ZDHHC11: variants seen among roughly 807,000 people sequenced by gnomAD.
ZDHHC11 encodes the protein palmitoyltransferase ZDHHC11.
Under a neutral mutation model 51.3 loss-of-function variants are expected in ZDHHC11, and 44 were observed. The observed-to-expected ratio is 0.86, with a 90% confidence interval of 0.67 to 1.10. ZDHHC11 has a LOEUF of 1.10. Among genes scored for constraint, ZDHHC11 ranks in the 50% least tolerant of loss-of-function variants. The pLI is 0.00. For missense variants in ZDHHC11, 400 were observed against 537.7 expected, an observed-to-expected ratio of 0.74 and a Z score of 2.53; for synonymous variants, 163 against 222.0, an observed-to-expected ratio of 0.73 and a Z score of 2.36.
At chr5:841,921 T>G (rs557371796) in intron 4 of ZDHHC11, 4 of 989,176 alleles carry the variant, frequency 4.0e-6, no homozygotes, top group Middle Eastern at 1.0e-3. Context: ...GGGGCCATCC[T>G]AGAAGGCAAA....
chr5:855,724 C>G (rs1309194804), upstream of ZDHHC11, among the ~76,000 whole-genome samples: 1 of 148,050 alleles, frequency 6.8e-6, no homozygotes. Context: ...CCACAGAGGA[C>G]AGTGAGCAGC....
intron 2 of ZDHHC11, among the ~76,000 whole-genome samples, chr5:847,966 G>T (rs1288464737): frequency 1.3e-5 from 2 of 151,840 alleles, no homozygotes; most frequent in African/African-American, 4.9e-5. Flanking sequence ...CCGGGGGCTT[G>T]GATCCCACCT....
chr5:841,974 G>C lies in ZDHHC11; in HGVS notation c.629-1324C>G, dbSNP rs370649773. 3 of 989,636 alleles carry C rather than the reference G, an allele frequency of 3.0e-6. No individual in the cohort carries two copies. The African/African-American group carries it at 5.2e-5, about 17-fold the overall frequency. 61.3% of individuals were successfully genotyped at this position (989,636 alleles called of 1,614,324 possible). On this transcript the variant is annotated intron_variant, in intron 4 of 12. Transcript: ENST00000283441. Reference sequence around the variant, plus strand: ...CAGGACCGCAGCTCCATGTGCCTGGGCCGGGCTGGACCCCATGCTGCCCCC... The same window carrying C: ...CAGGACCGCAGCTCCATGTGCCTGGCCCGGGCTGGACCCCATGCTGCCCCC...
Position 818,701 on chromosome 5 carries a change from T to A in ZDHHC11, c.1146+824A>T, listed in dbSNP as rs182934482. On this transcript the variant is annotated intron_variant, in intron 10 of 12. Coordinates refer to ENST00000283441, the MANE Select transcript of ZDHHC11 (RefSeq NM_024786.3). ...GAGTGAGACCCCATCTCTTAAGAAA[T>A]AAGAAATAAATTGGCTGGGTGTGGT... is the stretch of plus-strand genomic sequence containing the variant. Among the ~76,000 whole-genome samples the A allele has an allele frequency of 9.2e-4, 139 of 151,328 alleles. 1 individual carries two copies. In the East Asian group the frequency reaches 0.015, roughly 16 times the overall value.
At chr5:859,691 C>T (rs893190159), upstream of ZDHHC11, among the ~76,000 whole-genome samples, 2 of 152,172 alleles carry the variant, frequency 1.3e-5, no homozygotes, top group Admixed American at 6.5e-5. Flanking sequence ...CTCAGGAATT[C>T]GGTCACTGGC....
At chr5:818,321 C>A (rs1256610883) in intron 10 of ZDHHC11, among the ~76,000 whole-genome samples, 2 of 151,652 alleles carry the variant, frequency 1.3e-5, no homozygotes, top group Non-Finnish European at 3.0e-5. Flanking sequence ...GCGGGGCAGG[C>A]TGGGGGCCCA....
At chr5:849,565 C>G (rs1161264143) in intron 1 of ZDHHC11, 3 of 152,280 alleles carry the variant, frequency 2.0e-5, no homozygotes, top group Non-Finnish European at 2.9e-5. Context: ...CCGAGAATAG[C>G]TCAGGGAAAC....
intron 12 of ZDHHC11, among the ~76,000 whole-genome samples, chr5:796,871 C>A (rs1182054217): frequency 1.3e-5 from 2 of 152,208 alleles, no homozygotes; most frequent in Non-Finnish European, 2.9e-5. Flanking sequence ...GAAATACATC[C>A]TTTTGAAAGA....
chr5:818,875 C>T (rs1465662802), intron 10 of ZDHHC11, among the ~76,000 whole-genome samples: 1 of 151,362 alleles, frequency 6.6e-6, no homozygotes, highest in East Asian at 1.9e-4. Flanking sequence ...AAATAAATAA[C>T]AACCCAGTAG....
intron 11 of ZDHHC11, among the ~76,000 whole-genome samples, chr5:807,834 T>G (rs1739483536): frequency 6.6e-6 from 1 of 151,402 alleles, no homozygotes; most frequent in Non-Finnish European, 1.5e-5. Flanking sequence ...CAGGTTACGG[T>G]GCCAATTAGT....
Position 850,563 on chromosome 5 carries a change from C to T in ZDHHC11, c.40G>A (p.Glu14Lys), listed in dbSNP as rs753687183. Residue 14 changes from glutamate to lysine, a missense_variant, in exon 1 of 13, where the codon GAA becomes AAA. By Grantham distance (56) the Glu-to-Lys change is moderately conservative. This residue lies in a region of ZDHHC11 where 119 missense variants were observed against 99.6 expected (regional missense o/e 1.20). Transcript: ENST00000283441. ...RSGSQCSVTP[E>K]AILNNEKLVL... ...AGCTTTTCATTATTGAGTATGGCTT[C>T]TGGGGTGACGGAACACTGGCTCCCG... The T allele has an allele frequency of 1.2e-5, 19 of 1,613,422 alleles. No homozygotes were observed. Among genetic ancestry groups the T allele is most frequent in the Non-Finnish European group, 1.5e-5 (18 of 1,180,038 alleles).
chr5:837,889 C>T (rs1302845446), intron 5 of ZDHHC11, among the ~76,000 whole-genome samples: 3 of 151,908 alleles, frequency 2.0e-5, no homozygotes, highest in Non-Finnish European at 2.9e-5. Flanking sequence ...CAGGAGGGGC[C>T]GCTCTGTCTG....
At chr5:812,623 A>T (rs975957905) in intron 11 of ZDHHC11, among the ~76,000 whole-genome samples, 9 of 151,308 alleles carry the variant, frequency 5.9e-5, no homozygotes, top group Non-Finnish European at 1.2e-4. Flanking sequence ...ACCTTTTGGT[A>T]AAGTAAGTAA....
intron 11 of ZDHHC11, 103 bp downstream of exon 11, chr5:814,658 G>C (rs1343113319): frequency 8.0e-7 from 1 of 1,249,198 alleles, no homozygotes; most frequent in Non-Finnish European, 1.1e-6. Context: ...TATGTCATCA[G>C]ATTATTTGAA....
intron 4 of ZDHHC11, chr5:841,535 C>A (rs1744964958): frequency 2.0e-6 from 2 of 999,178 alleles, no homozygotes; most frequent in Non-Finnish European, 2.4e-6. Context: ...ACGGTGCCCA[C>A]CCCTTCCTAA....
chr5:855,486 A>AC (rs1364091355), upstream of ZDHHC11, among the ~76,000 whole-genome samples: 6 of 140,756 alleles, frequency 4.3e-5, no homozygotes, highest in Non-Finnish European at 6.0e-5. Flanking sequence ...GCGGGGACAG[A>AC]CCCCACAGAG....
intron 11 of ZDHHC11, 138 bp from the exon 12 acceptor site, chr5:801,302 C>CT: frequency 1.8e-6 from 2 of 1,081,360 alleles, no homozygotes; most frequent in African/African-American, 1.6e-5. Flanking sequence ...CTTCACCTCT[C>CT]TGAGTTTCAG....
intron 3 of ZDHHC11, among the ~76,000 whole-genome samples, chr5:844,451 C>T (rs78732627): frequency 6.6e-6 from 1 of 152,296 alleles, no homozygotes; most frequent in Admixed American, 6.5e-5. Flanking sequence ...TCCAGTGTCA[C>T]AGCTCTGGGG....
At chr5:817,824 G>GTT (rs1741015850) in intron 10 of ZDHHC11, among the ~76,000 whole-genome samples, 1 of 151,262 alleles carries the variant, frequency 6.6e-6, no homozygotes, top group African/African-American at 2.4e-5. Context: ...AGAAGGGCTT[G>GTT]TTTCTGGAGT....
Sources: gnomAD v4.1 joint callset for allele counts (sites outside exome capture counted in the v4.1 genomes callset) on GRCh38, gnomAD v4.1.1 for gene constraint, gnomAD v4.1.1 regional missense constraint, MANE v1.5 for transcripts, NCBI Gene and HGNC (gene_info 2026-07-23, HGNC 2026-07-21) for gene names.